Variants in ZNF782 observed in about 807,000 individuals in gnomAD.
ZNF782 encodes the protein zinc finger protein 782.
Under a neutral mutation model 13.0 loss-of-function variants are expected in ZNF782, and 12 were observed. The ratio of observed to expected loss-of-function variants is 0.92; its 90% CI spans 0.59 to 1.50. The LOEUF is 1.50. Ranked by LOEUF, ZNF782 falls within the 40% of genes most tolerant of loss-of-function variation. The probability of loss-of-function intolerance (pLI) is 0.00; values close to 1 mark genes in which losing one functional copy is unlikely to be tolerated. For missense variants in ZNF782, 770 were observed against 822.9 expected, an observed-to-expected ratio of 0.94 and a Z score of 0.79; for synonymous variants, 284 against 283.0, an observed-to-expected ratio of 1.00 and a Z score of -0.04.
chr9:96,835,733 G>C (rs1850971409), intron 4 of ZNF782, among the ~76,000 whole-genome samples: 1 of 152,206 alleles, frequency 6.6e-6, no homozygotes, highest in East Asian at 1.9e-4. Context: ...TAGAGCCATG[G>C]AGGTGTGTGT....
At chr9:96,862,823 A>T (rs1460977548) in intron 1 of ZNF782, among the ~76,000 whole-genome samples, 1 of 152,226 alleles carries the variant, frequency 6.6e-6, no homozygotes, top group African/African-American at 2.4e-5. Context: ...AGCAAAATTC[A>T]TAATTATGAA....
the ZNF782 span, among the ~76,000 whole-genome samples, chr9:96,884,632 G>A: frequency 6.6e-6 from 1 of 152,158 alleles, no homozygotes; most frequent in Non-Finnish European, 1.5e-5. Flanking sequence ...CAACAAGGTG[G>A]TGTGAGTCAG....
At chr9:96,916,588 G>C in the ZNF782 span, among the ~76,000 whole-genome samples, 1 of 152,094 alleles carries the variant, frequency 6.6e-6, no homozygotes, top group Admixed American at 6.6e-5. Flanking sequence ...ACAGTGTGCA[G>C]GTAAAGAGCA....
chr9:96,894,382 C>T, the ZNF782 span: 1 of 152,160 alleles, frequency 6.6e-6, no homozygotes, highest in Non-Finnish European at 1.5e-5. Flanking sequence ...GATCATCCTC[C>T]ATATCTGATC....
chr9:96,841,407 A>G (rs1851185544), intron 4 of ZNF782, among the ~76,000 whole-genome samples: 1 of 152,014 alleles, frequency 6.6e-6, no homozygotes, highest in Non-Finnish European at 1.5e-5. Context: ...ACTTATGCTG[A>G]TATGAAAACC....
chr9:96,877,008 C>T (rs1190635988), upstream of ZNF782, among the ~76,000 whole-genome samples: 3 of 142,730 alleles, frequency 2.1e-5, no homozygotes, highest in Non-Finnish European at 4.5e-5. Flanking sequence ...AAAAAAATGG[C>T]TATCAGGCAA....
At chr9:96,858,440 CA>C (rs149448467), upstream of ZNF782, among the ~76,000 whole-genome samples, 1,799 of 152,292 alleles carry the variant, frequency 0.012, 48 homozygotes, top group African/African-American at 0.041. The surrounding 1 kb of genome is among the most constrained non-coding windows in gnomAD (Gnocchi z 4.4). Context: ...CTTGCTGAGT[CA>C]GGGGGTTGCT....
the ZNF782 span, chr9:96,889,508 T>C: frequency 6.6e-6 from 1 of 152,182 alleles, no homozygotes; most frequent in Non-Finnish European, 1.5e-5. Flanking sequence ...CAAGCGATTC[T>C]CCTGCCTCAG....
At chr9:96,886,935 A>C in the ZNF782 span, among the ~76,000 whole-genome samples, 3 of 151,220 alleles carry the variant, frequency 2.0e-5, no homozygotes, top group Non-Finnish European at 4.4e-5. Flanking sequence ...AAAAAAAAAA[A>C]AAACTATAAA....
intron 3 of ZNF782, among the ~76,000 whole-genome samples, chr9:96,846,989 C>A (rs768197034): frequency 7.9e-5 from 12 of 152,116 alleles, no homozygotes; most frequent in Non-Finnish European, 1.6e-4. Flanking sequence ...TATCAAGTAT[C>A]TACTCAGATC....
chr9:96,835,354 A>G (rs1206563278), intron 4 of ZNF782, among the ~76,000 whole-genome samples: 1 of 152,252 alleles, frequency 6.6e-6, no homozygotes, highest in Non-Finnish European at 1.5e-5. Context: ...GAGAATTTTT[A>G]GAAAAGATAT....
At chr9:96,874,996 C>A (rs1851876389) in intron 1 of ZNF782, among the ~76,000 whole-genome samples, 1 of 152,214 alleles carries the variant, frequency 6.6e-6, no homozygotes, top group African/African-American at 2.4e-5. Context: ...AAGGTTCTAC[C>A]CACATTCACT....
At chr9:96,889,683 G>C in the ZNF782 span, 1 of 152,192 alleles carries the variant, frequency 6.6e-6, no homozygotes, top group Non-Finnish European at 1.5e-5. Context: ...TTAGAGGCGT[G>C]AGCCACCGCG....
At chr9:96,920,701 G>A in the ZNF782 span, among the ~76,000 whole-genome samples, 5 of 149,308 alleles carry the variant, frequency 3.3e-5, no homozygotes, top group Non-Finnish European at 7.5e-5. Flanking sequence ...CGGATCCAGG[G>A]TCAGGAGTTC....
chr9:96,853,257 G>T (rs1285295644), intron 1 of ZNF782, among the ~76,000 whole-genome samples, 188 bp from the exon 2 acceptor site: 2 of 152,126 alleles, frequency 1.3e-5, no homozygotes, highest in African/African-American at 2.4e-5. Context: ...CCCATTGTGT[G>T]GTGGCTTCTG....
Position 96,819,107 on chromosome 9 carries a change from C to T in ZNF782, c.916G>A (p.Val306Ile), listed in dbSNP as rs1431611955. ...QKSHIREHHRVHIGVKPFEYG... is the reference protein window; with the variant it reads ...QKSHIREHHRIHIGVKPFEYG... ...TCAAAGGGTTTCACCCCTATATGAA[C>T]TCTATGATGTTCTCTAATGTGTGAC... The change falls in exon 6 of 6, where the codon GTT (valine) becomes ATT (isoleucine). Residue 306 changes from valine to isoleucine, a missense_variant. By Grantham distance (29) the Val-to-Ile change is conservative. Coordinates refer to ENST00000481138, the MANE Select transcript of ZNF782 (RefSeq NM_001001662.3). 2 of 1,613,936 alleles carry T rather than the reference C, an allele frequency of 1.2e-6. No homozygotes were observed. The highest frequency in any genetic ancestry group is 2.2e-5 in the East Asian group (1 of 44,884).
At chr9:96,845,126 A>C in intron 3 of ZNF782, 110 bp from the exon 4 acceptor site, 1 of 1,360,560 alleles carries the variant, frequency 7.3e-7, no homozygotes, top group Non-Finnish European at 1.0e-6. Context: ...ACAAAATGCT[A>C]TAAGGGATTC....
the ZNF782 span, among the ~76,000 whole-genome samples, chr9:96,915,457 T>TC: frequency 1.3e-5 from 2 of 150,156 alleles, no homozygotes; most frequent in African/African-American, 5.0e-5. Flanking sequence ...GGCGGGCAGA[T>TC]CACCTGAGGT....
At chr9:96,843,435 T>C (rs936606510) in intron 4 of ZNF782, among the ~76,000 whole-genome samples, 2 of 152,176 alleles carry the variant, frequency 1.3e-5, no homozygotes, top group Non-Finnish European at 2.9e-5. Context: ...CGTCAAATAC[T>C]GTATGATTCC....
Sources: allele counts gnomAD v4.1 joint callset (sites outside exome capture counted in the v4.1 genomes callset), GRCh38; gene constraint gnomAD v4.1.1; non-coding constraint Gnocchi (gnomAD v3.1); transcripts MANE v1.5; gene names NCBI Gene and HGNC (gene_info 2026-07-23, HGNC 2026-07-21).